The following ARHGAP10 variants were observed in gnomAD, a reference collection of about 807,000 sequenced individuals.
ARHGAP10 encodes the protein Rho GTPase activating protein 10, also known as rho GTPase-activating protein 10.
Under a neutral mutation model 108.6 loss-of-function variants are expected in ARHGAP10, and 87 were observed. The ratio of observed to expected loss-of-function variants is 0.80; its 90% CI spans 0.67 to 0.96. The LOEUF (loss-of-function observed/expected upper bound fraction) is 0.96, where lower values mean the gene tolerates loss of function less well. ARHGAP10 is among the 40% of genes least tolerant of loss of function. ARHGAP10 has a pLI of 0.00. For missense variants in ARHGAP10, 939 were observed against 954.5 expected (o/e 0.98, Z 0.21); for synonymous variants, 347 against 341.1 (o/e 1.02, Z -0.19).
intron 1 of ARHGAP10, among the ~76,000 whole-genome samples, chr4:147,757,178 G>C (rs1243611803): frequency 1.3e-5 from 2 of 150,970 alleles, no homozygotes; most frequent in Non-Finnish European, 2.9e-5. Context: ...TGGGAACACA[G>C]GACAGTCTAG....
chr4:147,738,237 T>C (rs1340488343), intron 1 of ARHGAP10, among the ~76,000 whole-genome samples: 2 of 152,116 alleles, frequency 1.3e-5, no homozygotes, highest in Non-Finnish European at 2.9e-5. Flanking sequence ...CTTTTCTATA[T>C]CTGTGTTCTC....
intron 1 of ARHGAP10, among the ~76,000 whole-genome samples, chr4:147,764,355 G>A (rs1291138063): frequency 1.3e-5 from 2 of 151,866 alleles, no homozygotes; most frequent in African/African-American, 4.8e-5. Context: ...CCAGGAGAGA[G>A]GTGGGTCAGT....
chr4:147,919,002 A>G (rs1399734572), intron 13 of ARHGAP10, among the ~76,000 whole-genome samples: 4 of 152,222 alleles, frequency 2.6e-5, no homozygotes, highest in Admixed American at 1.3e-4. Flanking sequence ...CTCTTCTACT[A>G]AATTCTCTTC....
At chr4:147,755,607 G>A (rs941889382) in intron 1 of ARHGAP10, among the ~76,000 whole-genome samples, 2 of 152,168 alleles carry the variant, frequency 1.3e-5, no homozygotes, top group East Asian at 3.8e-4. Context: ...TAACATCATT[G>A]GCCTTTTCTT....
intron 18 of ARHGAP10, among the ~76,000 whole-genome samples, chr4:147,978,828 T>A (rs1739702538): frequency 3.9e-5 from 6 of 152,248 alleles, no homozygotes; most frequent in Admixed American, 3.3e-4. Context: ...TTGAACAATT[T>A]TTTCATATGT....
chr4:147,869,301 C>T (rs1215517884), intron 7 of ARHGAP10, among the ~76,000 whole-genome samples: 1 of 152,134 alleles, frequency 6.6e-6, no homozygotes, highest in Non-Finnish European at 1.5e-5. Flanking sequence ...GAGTGAAACT[C>T]CTTGCACGGC....
intron 1 of ARHGAP10, among the ~76,000 whole-genome samples, chr4:147,752,690 G>A (rs1729206685): frequency 6.6e-6 from 1 of 152,124 alleles, no homozygotes; most frequent in Non-Finnish European, 1.5e-5. Context: ...GCCATGCCTG[G>A]CTGATTTCTG....
In ARHGAP10 at chr4:147,914,389, ACT is replaced by A. The variant is rs150067243; in HGVS notation, c.1228+1253_1228+1254del. Among the ~76,000 whole-genome samples the A allele has an allele frequency of 1.8e-3, 266 of 151,540 alleles. 1 individual carries two copies. Among genetic ancestry groups the A allele is most frequent in the African/African-American group, 6.0e-3 (249 of 41,274 alleles). On this transcript the variant is annotated intron_variant, in intron 13 of 22. Transcript: ENST00000336498. ...TTTTATTTTTTTAAGATAGGGCCTC[ACT>A]CTGTCACCCAGGCTGGAGTGTGGTG...
chr4:147,794,753 T>G (rs1421517774), intron 1 of ARHGAP10, among the ~76,000 whole-genome samples: 1 of 152,220 alleles, frequency 6.6e-6, no homozygotes, highest in Non-Finnish European at 1.5e-5. Flanking sequence ...GAGACTGAGA[T>G]GTTAAAGTAG....
chr4:147,772,037 T>C (rs1405920169), intron 1 of ARHGAP10, among the ~76,000 whole-genome samples: 1 of 152,140 alleles, frequency 6.6e-6, no homozygotes, highest in African/African-American at 2.4e-5. Context: ...GGATCTGCCC[T>C]CCTCGGCCTC....
chr4:147,958,543 T>C (rs550038170), intron 16 of ARHGAP10, among the ~76,000 whole-genome samples: 49 of 152,260 alleles, frequency 3.2e-4, no homozygotes, highest in Admixed American at 5.9e-4. Context: ...AAGACAAAAA[T>C]CATGTGATTC....
At chr4:147,813,768 G>T (rs1428001137) in intron 1 of ARHGAP10, among the ~76,000 whole-genome samples, 1 of 152,136 alleles carries the variant, frequency 6.6e-6, no homozygotes. Context: ...TGGTCTCTTC[G>T]TAATTGTATT....
chr4:147,855,013 G>A lies in ARHGAP10; in HGVS notation c.385-2540G>A, dbSNP rs117695957. On this transcript the variant is annotated intron_variant, in intron 4 of 22. Coordinates refer to ENST00000336498, the MANE Select transcript of ARHGAP10 (RefSeq NM_024605.4). ...CTGATTAAAGCGTCACCCCTTCCTC[G>A]GCCCCTTTCTGTGATTCAGATTAAA... Among the ~76,000 whole-genome samples the A allele has an allele frequency of 1.3e-3, 201 of 152,196 alleles. 4 individuals carry two copies. In the East Asian group the frequency reaches 0.036, roughly 27 times the overall value.
intron 18 of ARHGAP10, among the ~76,000 whole-genome samples, chr4:148,001,951 T>C (rs1374997414): frequency 6.6e-6 from 1 of 152,188 alleles, no homozygotes; most frequent in Non-Finnish European, 1.5e-5. Flanking sequence ...CAACACTGTG[T>C]TGAATAGGAG....
intron 1 of ARHGAP10, among the ~76,000 whole-genome samples, chr4:147,796,060 C>T (rs1054687268): frequency 7.9e-5 from 12 of 152,110 alleles, no homozygotes; most frequent in Non-Finnish European, 1.8e-4. Context: ...TTTTAGACTT[C>T]TCAAACAGAA....
intron 3 of ARHGAP10, among the ~76,000 whole-genome samples, chr4:147,845,866 T>G (rs1376792222): frequency 6.6e-6 from 1 of 152,200 alleles, no homozygotes; most frequent in Non-Finnish European, 1.5e-5. Context: ...TGTGGGACAT[T>G]CCATATTATT....
At chr4:147,918,839 C>T (rs1349253144) in intron 13 of ARHGAP10, among the ~76,000 whole-genome samples, 1 of 152,246 alleles carries the variant, frequency 6.6e-6, no homozygotes, top group East Asian at 1.9e-4. Context: ...GAGGACCAAG[C>T]ATCTCTGAGG....
At chr4:147,881,763 C>A in intron 9 of ARHGAP10, 75 bp from the exon 10 acceptor site, 1 of 1,355,794 alleles carries the variant, frequency 7.4e-7, no homozygotes, top group South Asian at 1.3e-5. Flanking sequence ...CTCCCCTGCT[C>A]TCCAGTATAG....
chr4:148,012,023 G>A (rs1380177488), intron 18 of ARHGAP10, among the ~76,000 whole-genome samples: 2 of 152,154 alleles, frequency 1.3e-5, no homozygotes, highest in African/African-American at 4.8e-5. Flanking sequence ...TGACAGGTGG[G>A]CCATGTCTTA....
Sources: gnomAD v4.1 joint callset for allele counts (sites outside exome capture counted in the v4.1 genomes callset) on GRCh38, gnomAD v4.1.1 for gene constraint, MANE v1.5 for transcripts, NCBI Gene and HGNC (gene_info 2026-07-23, HGNC 2026-07-21) for gene names.